The following ZNF438 variants were observed in gnomAD, a reference collection of about 807,000 sequenced individuals.
The protein encoded by ZNF438 is zinc finger protein 438.
ZNF438 carries 25 observed loss-of-function variants against 38.0 expected under a neutral mutation model. The observed-to-expected ratio is 0.66, with a 90% CI of 0.48 to 0.92. ZNF438 has a LOEUF of 0.92. Among genes scored for constraint, ZNF438 ranks in the 40% least tolerant of loss-of-function variants. The pLI is 0.00. For missense variants in ZNF438, 1,007 were observed against 999.6 expected, an observed-to-expected ratio of 1.01 and a Z score of -0.10; for synonymous variants, 372 against 364.1, an observed-to-expected ratio of 1.02 and a Z score of -0.25.
At chr10:30,874,114 G>GTGTGTA (rs1257613270) in intron 4 of ZNF438, among the ~76,000 whole-genome samples, 1 of 80,290 alleles carries the variant, frequency 1.2e-5, no homozygotes, top group Non-Finnish European at 2.3e-5. Flanking sequence ...GTGTGTGTGT[G>GTGTGTA]TATATATATA....
At chr10:30,850,264 C>G in exon 5 of ZNF438, 2 of 1,614,124 alleles carry the variant, frequency 1.2e-6, no homozygotes, top group Non-Finnish European at 1.7e-6. Flanking sequence ...GCATTCTGGA[C>G]GTTAGGACTT....
intron 3 of ZNF438, among the ~76,000 whole-genome samples, chr10:30,901,093 C>A (rs528022186): frequency 1.3e-5 from 2 of 152,144 alleles, no homozygotes; most frequent in South Asian, 2.1e-4. Flanking sequence ...ATTACTGATA[C>A]ATTAGCAATA....
intron 1 of ZNF438, among the ~76,000 whole-genome samples, chr10:30,969,521 AT>A (rs2050515552): frequency 6.6e-6 from 1 of 152,248 alleles, no homozygotes; most frequent in Non-Finnish European, 1.5e-5. Flanking sequence ...TAATACTTAT[AT>A]TAGGAAAACA....
At chr10:30,979,525 A>G (rs1044532264) in intron 1 of ZNF438, among the ~76,000 whole-genome samples, 4 of 152,238 alleles carry the variant, frequency 2.6e-5, no homozygotes, top group African/African-American at 9.6e-5. Context: ...CTACAAGGCT[A>G]CAGTAACTAA....
At chr10:30,894,653 AAAAG>A (rs1423058340) in intron 3 of ZNF438, among the ~76,000 whole-genome samples, 1 of 152,234 alleles carries the variant, frequency 6.6e-6, no homozygotes, top group Non-Finnish European at 1.5e-5. Flanking sequence ...TAGCAATCAC[AAAAG>A]AAAGAAAAAG....
intron 1 of ZNF438, among the ~76,000 whole-genome samples, chr10:30,994,179 G>C (rs2053812666): frequency 6.6e-6 from 1 of 152,212 alleles, no homozygotes; most frequent in Non-Finnish European, 1.5e-5. Context: ...TTGAATGCAT[G>C]ATAGAATGAA....
chr10:30,897,341 C>T (rs1019630084), intron 3 of ZNF438, among the ~76,000 whole-genome samples: 5 of 152,162 alleles, frequency 3.3e-5, no homozygotes, highest in African/African-American at 9.7e-5. Flanking sequence ...TTTCTATATT[C>T]CCCCCAATAC....
intron 1 of ZNF438, among the ~76,000 whole-genome samples, chr10:30,967,519 T>A (rs1038430474): frequency 6.6e-6 from 1 of 152,218 alleles, no homozygotes. Context: ...ATCTTTAATA[T>A]GGCAATAGGG....
At chr10:30,995,916 AAC>A (rs1459970273) in intron 1 of ZNF438, among the ~76,000 whole-genome samples, 1 of 152,210 alleles carries the variant, frequency 6.6e-6, no homozygotes, top group African/African-American at 2.4e-5. Flanking sequence ...TAAAAATTAC[AAC>A]AGTGTGTTGT....
At chr10:30,930,803 C>CAAAAAAAAAAAAAAAAAAAAAAAAAA (rs71527620) in intron 2 of ZNF438, among the ~76,000 whole-genome samples, 18 of 38,440 alleles carry the variant, frequency 4.7e-4, no homozygotes, top group East Asian at 1.7e-3. Context: ...GAAACTCAGT[C>CAAAAAAAAAAAAAAAAAAAAAAAAAA]AAAAAAAAAA....
At position 31,009,014 on chromosome 10, in the gene ZNF438, G is replaced by A. The variant is rs74134363; in HGVS notation, c.-192+22819C>T. On this transcript the variant is annotated intron_variant, in intron 1 of 5. Transcript: ENST00000413025. ...TTTGCTTCTCTCTATGAGTGACAAC[G>A]TTGAGCATCTTTTCGTGTGCTTATC... Among the ~76,000 whole-genome samples, 266 of 152,288 alleles carry A rather than the reference G, an allele frequency of 1.7e-3. 3 individuals carry two copies. The highest frequency in any genetic ancestry group is 5.6e-3 in the African/African-American group (233 of 41,550).
rs189756856 is a variant in ZNF438, at chr10:30,997,517, C to T, written c.-192+34316G>A. On this transcript the variant is annotated intron_variant, in intron 1 of 5. Coordinates refer to ENST00000413025, the Ensembl canonical transcript of ZNF438. Reference sequence around the variant, plus strand: ...GCAAATAAATTGGCCTTGGAAGATACGGCAGACACTAGTGGTTGCCTACCT... The same window carrying T: ...GCAAATAAATTGGCCTTGGAAGATATGGCAGACACTAGTGGTTGCCTACCT... Among the ~76,000 whole-genome samples, 7 of 151,404 alleles carry T rather than the reference C, an allele frequency of 4.6e-5. No homozygotes were observed. In the East Asian group the frequency reaches 9.7e-4, roughly 21 times the overall value.
chr10:31,028,231 C>A (rs1056046001), intron 1 of ZNF438, among the ~76,000 whole-genome samples: 1 of 152,106 alleles, frequency 6.6e-6, no homozygotes, highest in African/African-American at 2.4e-5. Context: ...CACACTTAAA[C>A]CGGTGGAAAC....
intron 1 of ZNF438, among the ~76,000 whole-genome samples, chr10:30,944,058 G>C (rs1057056959): frequency 6.6e-6 from 1 of 152,200 alleles, no homozygotes; most frequent in African/African-American, 2.4e-5. Flanking sequence ...GGTTCCATCT[G>C]AACTGGGAGC....
In ZNF438 at chr10:30,923,375, A is replaced by G. The variant is rs376269268; in HGVS notation, c.-114-14360T>C. The G allele has an allele frequency of 2.0e-5, 3 of 152,114 alleles. No homozygotes were observed. The East Asian group carries it at 5.8e-4, about 29-fold the overall frequency. The allele number at this position is 152,114 out of a possible 1,614,324, so 9.4% of individuals were successfully genotyped here. A position where few individuals can be genotyped will look rare whatever the true frequency, so the allele number is the denominator to read the frequency against. ...CCTTCCAATGTTGTTTTCATTTGAC[A>G]GTTTCATTTTCTTCTTCAATTTCTT... On this transcript the variant is annotated intron_variant, in intron 2 of 5. Coordinates refer to ENST00000413025, the Ensembl canonical transcript of ZNF438.
intron 1 of ZNF438, among the ~76,000 whole-genome samples, chr10:31,006,596 T>C (rs1370123522): frequency 1.3e-5 from 2 of 151,986 alleles, no homozygotes; most frequent in South Asian, 2.1e-4. Flanking sequence ...AAAGAGGTGG[T>C]TGTGGGAACC....
chr10:30,972,267 C>A (rs1432622992), intron 1 of ZNF438, among the ~76,000 whole-genome samples: 1 of 152,166 alleles, frequency 6.6e-6, no homozygotes, highest in Admixed American at 6.5e-5. Context: ...CCACGCCCGG[C>A]CCCTTGATTC....
At chr10:30,962,826 A>T (rs1166946308) in intron 1 of ZNF438, among the ~76,000 whole-genome samples, 2 of 117,162 alleles carry the variant, frequency 1.7e-5, no homozygotes, top group African/African-American at 5.2e-5. Context: ...AATATAAAAT[A>T]AAAATTAAAG....
chr10:30,943,663 T>C (rs1429844297), intron 1 of ZNF438, among the ~76,000 whole-genome samples: 1 of 152,052 alleles, frequency 6.6e-6, no homozygotes, highest in Non-Finnish European at 1.5e-5. Context: ...CATTGAAGAA[T>C]TTGGAGCAGT....
Sources: allele counts gnomAD v4.1 joint callset (sites outside exome capture counted in the v4.1 genomes callset), GRCh38; gene constraint gnomAD v4.1.1; transcripts MANE v1.5; gene names NCBI Gene and HGNC (gene_info 2026-07-23, HGNC 2026-07-21).